CBX1: variants seen among roughly 807,000 people sequenced by gnomAD.
The protein encoded by CBX1 is chromobox protein homolog 1.
In CBX1, 10 loss-of-function variants were observed where a neutral mutation model predicts 25.1. That is an observed-to-expected ratio of 0.40 (90% CI 0.25 to 0.68). The LOEUF is 0.68. CBX1 is among the 30% of genes least tolerant of loss of function. The pLI, the probability that CBX1 is intolerant of heterozygous loss-of-function variation, is 0.40. For missense variants in CBX1, 106 were observed against 218.5 expected (o/e 0.49, Z 3.25); for synonymous variants, 63 against 79.4 (o/e 0.79, Z 1.10).
intron 1 of CBX1, among the ~76,000 whole-genome samples, chr17:48,084,300 G>A (rs1385404553): frequency 5.8e-5 from 7 of 119,738 alleles, no homozygotes; most frequent in Admixed American, 1.1e-4. Flanking sequence ...CTGAACCTCC[G>A]CCTCCAGAGT....
chr17:48,091,495 C>T lies in CBX1; in HGVS notation c.-38+9773G>A, dbSNP rs375950027. On this transcript the variant is annotated intron_variant, in intron 1 of 4. Coordinates refer to ENST00000225603, the MANE Select transcript of CBX1 (RefSeq NM_001127228.2). The stretch of plus-strand genomic sequence containing the variant: ...GTTCAACCGATTCTCCTGCCTCAGC[C>T]TCCCAAGTAGCTGGGATTACAGGTG... Among the ~76,000 whole-genome samples the T allele has an allele frequency of 2.3e-3, 353 of 151,094 alleles. 7 individuals are homozygous for T. The highest frequency in any genetic ancestry group is 7.9e-3 in the African/African-American group (323 of 41,126).
At chr17:48,083,851 AT>A (rs1183403081) in intron 1 of CBX1, among the ~76,000 whole-genome samples, 1 of 150,424 alleles carries the variant, frequency 6.6e-6, no homozygotes, top group African/African-American at 2.5e-5. Context: ...TCCTTTGACC[AT>A]TACTTGTGTG....
chr17:48,070,532 C>T lies in CBX1; in HGVS notation c.*903G>A, dbSNP rs1161374388. The stretch of plus-strand genomic sequence containing the variant: ...CCTCCTCTACCACCCTCTTCCTCTT[C>T]CTAACACCTCAGCCAGTGGCTTGGA... On this transcript the variant is annotated 3_prime_UTR_variant, in exon 5 of 5. Transcript: ENST00000225603. 1 of 152,646 alleles carries T rather than the reference C, an allele frequency of 6.6e-6. No individual in the cohort carries two copies. Among genetic ancestry groups the T allele is most frequent in the Non-Finnish European group, 1.5e-5 (1 of 68,052 alleles). 9.5% of individuals were successfully genotyped at this position (152,646 alleles called of 1,614,324 possible).
chr17:48,092,241 C>T (rs1008124399), intron 1 of CBX1, among the ~76,000 whole-genome samples: 9 of 151,532 alleles, frequency 5.9e-5, no homozygotes, highest in East Asian at 3.9e-4. Context: ...CTGCCCGCCT[C>T]GCCCTCCCAA....
At chr17:48,091,233 T>C (rs1227537695) in intron 1 of CBX1, among the ~76,000 whole-genome samples, 1 of 152,176 alleles carries the variant, frequency 6.6e-6, no homozygotes, top group African/African-American at 2.4e-5. Context: ...AGATGACAAT[T>C]ATTTTGCATA....
intron 1 of CBX1, chr17:48,088,655 T>C (rs2063326274): frequency 6.6e-6 from 1 of 151,864 alleles, no homozygotes; most frequent in South Asian, 2.1e-4. Flanking sequence ...TTTCTTACTT[T>C]TGATTTTTTT....
chr17:48,082,501 CAAAAAAAAAAAA>C (rs572999255), intron 1 of CBX1, among the ~76,000 whole-genome samples: 3 of 53,758 alleles, frequency 5.6e-5, no homozygotes, highest in African/African-American at 1.6e-4. Context: ...GACTCCATCT[CAAAAAAAAAAAA>C]AAAAAAAAAA....
chr17:48,094,114 C>A (rs77763944), intron 1 of CBX1, among the ~76,000 whole-genome samples: 77 of 50,814 alleles, frequency 1.5e-3, no homozygotes, highest in East Asian at 2.1e-3. Flanking sequence ...AACTCTGTCT[C>A]AAAAAAAAAA....
intron 1 of CBX1, among the ~76,000 whole-genome samples, chr17:48,092,660 G>A (rs1468691196): frequency 6.6e-6 from 1 of 151,770 alleles, no homozygotes; most frequent in Non-Finnish European, 1.5e-5. Flanking sequence ...CACCATCTTT[G>A]CTAGGCTGGT....
At chr17:48,095,255 G>C (rs2063367563) in intron 1 of CBX1, among the ~76,000 whole-genome samples, 1 of 152,032 alleles carries the variant, frequency 6.6e-6, no homozygotes, top group Non-Finnish European at 1.5e-5. Context: ...AGGTAGGTCT[G>C]GAACCTGAAC....
At chr17:48,088,022 A>G (rs376344420) in intron 1 of CBX1, 5 of 152,192 alleles carry the variant, frequency 3.3e-5, no homozygotes, top group Admixed American at 1.3e-4. Context: ...ACAAAAATAT[A>G]TAACGTGGCC....
intron 1 of CBX1, among the ~76,000 whole-genome samples, chr17:48,093,441 G>A (rs1169961182): frequency 6.6e-6 from 1 of 152,188 alleles, no homozygotes; most frequent in African/African-American, 2.4e-5. Context: ...CACTATAGGA[G>A]GTTGGAGGAA....
chr17:48,088,473 G>C (rs1174324339), intron 1 of CBX1, among the ~76,000 whole-genome samples: 1 of 150,652 alleles, frequency 6.6e-6, no homozygotes, highest in Admixed American at 6.6e-5. Flanking sequence ...ACAAAAATTA[G>C]CCGGGCGTGG....
chr17:48,087,925 A>C (rs2063321954), intron 1 of CBX1, among the ~76,000 whole-genome samples: 1 of 151,906 alleles, frequency 6.6e-6, no homozygotes, highest in Admixed American at 6.6e-5. Flanking sequence ...AGATGCCTAG[A>C]CCCCACTCCA....
intron 1 of CBX1, among the ~76,000 whole-genome samples, chr17:48,080,498 G>A (rs117456169): frequency 6.6e-6 from 1 of 152,172 alleles, no homozygotes; most frequent in Non-Finnish European, 1.5e-5. Flanking sequence ...CTCCGCTTGA[G>A]TTTAAAATAA....
chr17:48,074,948 G>T, intron 4 of CBX1, 58 bp downstream of exon 4: 1 of 1,190,246 alleles, frequency 8.4e-7, no homozygotes, highest in Non-Finnish European at 1.3e-6. Flanking sequence ...TTTTCCTCTG[G>T]CATGAAACCA....
chr17:48,096,476 C>A, intron 1 of CBX1: 1 of 641,506 alleles, frequency 1.6e-6, no homozygotes, highest in Non-Finnish European at 1.9e-6. Context: ...GGAAACGTAT[C>A]AGAACACCAC....
At chr17:48,086,767 G>A (rs1015372703) in intron 1 of CBX1, among the ~76,000 whole-genome samples, 30 of 152,202 alleles carry the variant, frequency 2.0e-4, no homozygotes, top group Middle Eastern at 3.4e-3. Context: ...TGAGGCAGGA[G>A]AATCACTTGA....
chr17:48,083,151 C>T (rs2037755244), intron 1 of CBX1, among the ~76,000 whole-genome samples: 2 of 150,102 alleles, frequency 1.3e-5, no homozygotes, highest in Non-Finnish European at 2.9e-5. Flanking sequence ...CAGGAATGAG[C>T]CACTGCACCT....
Sources: allele counts gnomAD v4.1 joint callset (sites outside exome capture counted in the v4.1 genomes callset), GRCh38; gene constraint gnomAD v4.1.1; transcripts MANE v1.5; gene names NCBI Gene and HGNC (gene_info 2026-07-23, HGNC 2026-07-21).